Variants in ENKUR observed in about 807,000 individuals in gnomAD.
ENKUR encodes enkurin.
In ENKUR, 19 loss-of-function variants were observed where a neutral mutation model predicts 27.6. The ratio of observed to expected loss-of-function variants is 0.69; its 90% CI spans 0.48 to 1.01. The LOEUF (loss-of-function observed/expected upper bound fraction) is 1.01, where lower values mean the gene tolerates loss of function less well. ENKUR is among the 50% of genes least tolerant of loss of function. The pLI is 0.00. For missense variants in ENKUR, 312 were observed against 310.5 expected (o/e 1.00, Z -0.04); for synonymous variants, 117 against 96.9 (o/e 1.21, Z -1.22).
At chr10:24,996,883 A>AGG (rs1850073105) in intron 2 of ENKUR, among the ~76,000 whole-genome samples, 2 of 152,228 alleles carry the variant, frequency 1.3e-5, no homozygotes, top group Admixed American at 1.3e-4. Flanking sequence ...ATTTGTAGAA[A>AGG]GGTCTTTAAA....
chr10:25,053,468 A>G (rs1851211212), intron 2 of ENKUR, among the ~76,000 whole-genome samples: 1 of 152,142 alleles, frequency 6.6e-6, no homozygotes, highest in South Asian at 2.1e-4. Context: ...GCCTCCGGTA[A>G]TCATTATTCT....
intron 2 of ENKUR, among the ~76,000 whole-genome samples, chr10:25,052,159 T>C (rs1407014657): frequency 6.6e-6 from 1 of 152,186 alleles, no homozygotes; most frequent in Non-Finnish European, 1.5e-5. Context: ...TCTCTCACTG[T>C]ATAATATCTG....
At chr10:25,051,528 AC>A (rs1851185909) in intron 2 of ENKUR, among the ~76,000 whole-genome samples, 1 of 152,194 alleles carries the variant, frequency 6.6e-6, no homozygotes, top group Non-Finnish European at 1.5e-5. Flanking sequence ...CAGGCATGTC[AC>A]TGTGAAGGCA....
chr10:25,042,850 A>C (rs1851080576), intron 2 of ENKUR, among the ~76,000 whole-genome samples: 2 of 151,760 alleles, frequency 1.3e-5, no homozygotes, highest in Admixed American at 1.3e-4. Context: ...ACTGTCTCAA[A>C]AAAAAAAAAT....
In ENKUR at chr10:25,015,843, T is replaced by A. The variant is rs1217932987; in HGVS notation, c.77+17A>T. ...CCCATTCTTGTTTCAAGTGATAGTC[T>A]TTGCTTATCCACATACCTAGGAGGC... On this transcript the variant is annotated intron_variant, in intron 1 of 5. Coordinates refer to ENST00000331161, the MANE Select transcript of ENKUR (RefSeq NM_145010.4). 2 of 1,589,286 alleles carry A rather than the reference T, an allele frequency of 1.3e-6. No homozygotes were observed. Among genetic ancestry groups the A allele is most frequent in the Admixed American group, 1.8e-5 (1 of 56,050 alleles).
At chr10:24,984,475 T>C in intron 5 of ENKUR, 99 bp from the exon 6 acceptor site, 2 of 1,352,724 alleles carry the variant, frequency 1.5e-6, no homozygotes, top group Non-Finnish European at 2.0e-6. Flanking sequence ...ATAATAATAA[T>C]GAATTACATT....
At chr10:24,986,591 C>A (rs561195905) in intron 4 of ENKUR, among the ~76,000 whole-genome samples, 2 of 152,078 alleles carry the variant, frequency 1.3e-5, no homozygotes, top group African/African-American at 4.8e-5. Flanking sequence ...TGTACATTTG[C>A]GGATATCAAA....
chr10:25,002,307 T>C (rs989877795), intron 1 of ENKUR, among the ~76,000 whole-genome samples: 3 of 152,228 alleles, frequency 2.0e-5, no homozygotes, highest in African/African-American at 7.2e-5. Context: ...GAACTCCTTG[T>C]TCATATTTCC....
At chr10:24,990,334 C>G (rs1182686307) in intron 4 of ENKUR, 129 bp downstream of exon 4, 9 of 1,246,750 alleles carry the variant, frequency 7.2e-6, no homozygotes, top group Non-Finnish European at 9.8e-6. Flanking sequence ...TAGTTTTTAA[C>G]TGTAACCCAA....
chr10:25,022,407 G>C (rs1850739912), intron 2 of ENKUR, among the ~76,000 whole-genome samples: 1 of 152,082 alleles, frequency 6.6e-6, no homozygotes, highest in South Asian at 2.1e-4. Flanking sequence ...GTGCAGATAA[G>C]GTTATATGTA....
intron 2 of ENKUR, among the ~76,000 whole-genome samples, chr10:24,997,557 A>C (rs1850092215): frequency 6.6e-6 from 1 of 151,542 alleles, no homozygotes; most frequent in South Asian, 2.1e-4. Context: ...TAGCTAATTA[A>C]AAAAAATTTT....
chr10:25,052,631 G>T (rs1184883464), intron 2 of ENKUR, among the ~76,000 whole-genome samples: 1 of 152,016 alleles, frequency 6.6e-6, no homozygotes, highest in African/African-American at 2.4e-5. Flanking sequence ...ATTTAGCTGG[G>T]TGTGGTTCTG....
At position 25,015,865 on chromosome 10, in the gene ENKUR, A is replaced by G; in HGVS notation, c.72T>C (p.Pro24=). 3 of 1,604,710 alleles carry G rather than the reference A, an allele frequency of 1.9e-6. No individual in the cohort carries two copies. The South Asian group carries it at 3.4e-5, about 18-fold the overall frequency. Residue 24 remains proline (P), a synonymous_variant, in exon 1 of 6, where the codon CCT becomes CCC. Coordinates refer to ENST00000331161, the MANE Select transcript of ENKUR (RefSeq NM_145010.4). ...GTCTTTGCTTATCCACATACCTAGG[A>G]GGCTGGGGAGGCTCCTTCAAGTCAC... is the stretch of plus-strand genomic sequence containing the variant. ...IPSDLKEPPQ[P]PRYISIFKAT...
chr10:25,027,560 A>AT (rs1275757903), intron 2 of ENKUR, among the ~76,000 whole-genome samples: 1 of 149,036 alleles, frequency 6.7e-6, no homozygotes, highest in African/African-American at 2.5e-5. Flanking sequence ...AAAAAGCATT[A>AT]TTTTTCTGAA....
chr10:25,010,353 G>A (rs184385570), intron 1 of ENKUR, among the ~76,000 whole-genome samples: 3 of 152,188 alleles, frequency 2.0e-5, no homozygotes, highest in East Asian at 1.9e-4. Context: ...ATTTCTAAGC[G>A]GCAAAACATT....
intron 2 of ENKUR, among the ~76,000 whole-genome samples, chr10:25,039,648 G>A (rs934845656): frequency 2.6e-5 from 4 of 152,170 alleles, no homozygotes; most frequent in African/African-American, 9.7e-5. Context: ...GCTATGTGCA[G>A]TGCATACCTT....
chr10:25,001,058 A>G (rs1445067205), intron 1 of ENKUR, among the ~76,000 whole-genome samples: 1 of 152,074 alleles, frequency 6.6e-6, no homozygotes, highest in Non-Finnish European at 1.5e-5. Flanking sequence ...AAATCCATAA[A>G]TAATTGTGAT....
intron 2 of ENKUR, among the ~76,000 whole-genome samples, chr10:25,060,316 A>G (rs986000743): frequency 6.6e-6 from 1 of 152,182 alleles, no homozygotes; most frequent in African/African-American, 2.4e-5. Flanking sequence ...GCTGGTCTCC[A>G]TTCTCATAAC....
chr10:25,027,170 C>G (rs1037925026), intron 2 of ENKUR, among the ~76,000 whole-genome samples: 4 of 150,806 alleles, frequency 2.7e-5, no homozygotes, highest in Non-Finnish European at 4.4e-5. Flanking sequence ...GCCTGACCAA[C>G]ATGGAGAAAC....
Sources: allele counts gnomAD v4.1 joint callset (sites outside exome capture counted in the v4.1 genomes callset), GRCh38; gene constraint gnomAD v4.1.1; transcripts MANE v1.5; gene names NCBI Gene and HGNC (gene_info 2026-07-23, HGNC 2026-07-21).